HS6ST3: variants seen among roughly 807,000 people sequenced by gnomAD.
HS6ST3 encodes the protein heparan-sulfate 6-O-sulfotransferase 3.
A neutral mutation model predicts 36.7 loss-of-function variants in HS6ST3; 12 were observed. The observed-to-expected ratio is 0.33, with a 90% CI of 0.21 to 0.53. HS6ST3 has a LOEUF of 0.53. Ranked by LOEUF, HS6ST3 falls within the 20% of genes least tolerant of loss-of-function variation. The pLI is 0.95. For synonymous variants in HS6ST3, 240 were observed against 257.5 expected, an observed-to-expected ratio of 0.93 and a Z score of 0.65; for missense variants, 584 against 640.9, an observed-to-expected ratio of 0.91 and a Z score of 0.96.
At chr13:96,237,304 G>T (rs2054539238) in intron 1 of HS6ST3, among the ~76,000 whole-genome samples, 1 of 152,154 alleles carries the variant, frequency 6.6e-6, no homozygotes, top group Non-Finnish European at 1.5e-5. Flanking sequence ...ATCTGTAAAT[G>T]CATCTACATC....
At chr13:96,823,737 A>G (rs1321993838) in intron 1 of HS6ST3, among the ~76,000 whole-genome samples, 1 of 152,030 alleles carries the variant, frequency 6.6e-6, no homozygotes, top group Non-Finnish European at 1.5e-5. Flanking sequence ...CTCCTACCTC[A>G]GCCTCCCAAG....
chr13:96,154,018 G>A (rs1253273936), intron 1 of HS6ST3, among the ~76,000 whole-genome samples: 1 of 151,992 alleles, frequency 6.6e-6, no homozygotes, highest in Non-Finnish European at 1.5e-5. Flanking sequence ...TTGTAATATG[G>A]GAAAGCTAAT....
At chr13:96,354,708 A>G (rs1925109) in intron 1 of HS6ST3, among the ~76,000 whole-genome samples, 137,054 of 152,160 alleles carry the variant, frequency 0.9, 62,045 homozygotes, top group African/African-American at 0.97. Context: ...AAAAGAAAAG[A>G]TAATGTAAGT....
chr13:96,431,262 A>G (rs189724777), intron 1 of HS6ST3, among the ~76,000 whole-genome samples: 2 of 148,382 alleles, frequency 1.3e-5, no homozygotes, highest in East Asian at 3.9e-4. Context: ...CAACAAATAA[A>G]CCAAAACCAA....
intron 1 of HS6ST3, among the ~76,000 whole-genome samples, chr13:96,612,622 C>T (rs2056460611): frequency 6.6e-6 from 1 of 152,106 alleles, no homozygotes; most frequent in Non-Finnish European, 1.5e-5. Flanking sequence ...GATTTTTCTC[C>T]TAGTTTGCAT....
At chr13:96,344,910 G>C (rs2055146551) in intron 1 of HS6ST3, among the ~76,000 whole-genome samples, 1 of 152,112 alleles carries the variant, frequency 6.6e-6, no homozygotes, top group African/African-American at 2.4e-5. Context: ...TTATTTGCTT[G>C]TCCATGTGTA....
intron 1 of HS6ST3, among the ~76,000 whole-genome samples, chr13:96,517,121 G>A (rs1420832327): frequency 1.3e-5 from 2 of 151,944 alleles, no homozygotes; most frequent in Non-Finnish European, 2.9e-5. Context: ...GCTCATGCCT[G>A]TAATCCCAGC....
At chr13:96,485,220 A>G (rs2055908124) in intron 1 of HS6ST3, among the ~76,000 whole-genome samples, 2 of 152,170 alleles carry the variant, frequency 1.3e-5, no homozygotes, top group Non-Finnish European at 2.9e-5. Context: ...ATCCATGAAC[A>G]TGGAATATCT....
At chr13:96,386,005 C>A (rs1031353585) in intron 1 of HS6ST3, among the ~76,000 whole-genome samples, 1 of 152,154 alleles carries the variant, frequency 6.6e-6, no homozygotes, top group Non-Finnish European at 1.5e-5. Context: ...GCTATAAAAT[C>A]ATGTTAGGCT....
intron 1 of HS6ST3, among the ~76,000 whole-genome samples, chr13:96,580,316 C>A (rs1278150614): frequency 1.3e-5 from 2 of 150,808 alleles, no homozygotes; most frequent in African/African-American, 4.9e-5. Context: ...ATAACATTAT[C>A]ATTTTCACCT....
chr13:96,821,259 C>T (rs958538815), intron 1 of HS6ST3, among the ~76,000 whole-genome samples: 1 of 152,204 alleles, frequency 6.6e-6, no homozygotes, highest in Non-Finnish European at 1.5e-5. Flanking sequence ...CCTGGCCTTG[C>T]AAGATGCTGC....
At chr13:96,136,752 A>G (rs1012053254) in intron 1 of HS6ST3, among the ~76,000 whole-genome samples, 1 of 150,572 alleles carries the variant, frequency 6.6e-6, no homozygotes, top group Non-Finnish European at 1.5e-5. Context: ...ACAAATTAAC[A>G]TATACAAATG....
At chr13:96,582,400 A>G (rs1250346402) in intron 1 of HS6ST3, among the ~76,000 whole-genome samples, 1 of 152,252 alleles carries the variant, frequency 6.6e-6, no homozygotes, top group African/African-American at 2.4e-5. Flanking sequence ...CAAAGAAGTG[A>G]CAGAATTTGC....
chr13:96,763,798 A>G lies in HS6ST3; in HGVS notation c.708-68692A>G, dbSNP rs143271392. 1.1e-4 allele frequency among the ~76,000 whole-genome samples: 16 copies of G among 152,298 alleles called. No homozygotes were observed. In the East Asian group the frequency reaches 1.7e-3, roughly 17 times the overall value. On this transcript the variant is annotated intron_variant, in intron 1 of 1. Coordinates refer to ENST00000376705, the MANE Select transcript of HS6ST3 (RefSeq NM_153456.4). ...GATTGCTGAATATATAATAAGTCCT[A>G]TATGAAACATCCTAACTAGATAAAA...
chr13:96,338,018 T>C (rs2055110604), intron 1 of HS6ST3, among the ~76,000 whole-genome samples: 1 of 152,116 alleles, frequency 6.6e-6, no homozygotes, highest in Admixed American at 6.5e-5. Context: ...GCCTCCTTTT[T>C]CTATTTTTAG....
intron 1 of HS6ST3, among the ~76,000 whole-genome samples, chr13:96,398,671 A>C (rs2055434357): frequency 6.6e-6 from 1 of 152,192 alleles, no homozygotes; most frequent in Non-Finnish European, 1.5e-5. Flanking sequence ...AACAGACCCT[A>C]AGGTGACCCC....
At chr13:96,356,908 T>C (rs1455801927) in intron 1 of HS6ST3, among the ~76,000 whole-genome samples, 1 of 152,256 alleles carries the variant, frequency 6.6e-6, no homozygotes, top group Non-Finnish European at 1.5e-5. Context: ...CTAGTGTTTG[T>C]ATCCACTTTC....
intron 1 of HS6ST3, among the ~76,000 whole-genome samples, chr13:96,602,590 C>G (rs2056425527): frequency 6.6e-6 from 1 of 152,130 alleles, no homozygotes; most frequent in Non-Finnish European, 1.5e-5. Flanking sequence ...CTGGGGCACA[C>G]CAGATGCCCA....
Position 96,681,747 on chromosome 13 carries a change from C to T in HS6ST3, c.708-150743C>T, listed in dbSNP as rs1311378128. ...CCATTACTCCCACCTCCCCCTTTTC[C>T]CTGCAGTAAGTCTACATAGCCCAGT... On this transcript the variant is annotated intron_variant, in intron 1 of 1. Transcript: ENST00000376705. 2.6e-5 allele frequency among the ~76,000 whole-genome samples: 4 copies of T among 152,070 alleles called. No homozygotes were observed. In the East Asian group the frequency reaches 7.7e-4, roughly 29 times the overall value.
Sources: allele counts gnomAD v4.1 joint callset (sites outside exome capture counted in the v4.1 genomes callset), GRCh38; gene constraint gnomAD v4.1.1; transcripts MANE v1.5; gene names NCBI Gene and HGNC (gene_info 2026-07-23, HGNC 2026-07-21).